DPP6: variants seen among roughly 807,000 people sequenced by gnomAD.
DPP6 encodes the protein dipeptidyl peptidase like 6, also known as A-type potassium channel modulatory protein DPP6.
Under a neutral mutation model 122.6 loss-of-function variants are expected in DPP6, and 69 were observed. That is an observed-to-expected ratio of 0.56 (90% CI 0.46 to 0.69). The LOEUF (loss-of-function observed/expected upper bound fraction) is 0.69, where lower values mean the gene tolerates loss of function less well. DPP6 is among the 30% of genes least tolerant of loss of function. The probability of loss-of-function intolerance (pLI) is 0.00; values close to 1 mark genes in which losing one functional copy is unlikely to be tolerated. For missense variants in DPP6, 928 were observed against 1,116.9 expected (o/e 0.83, Z 2.41); for synonymous variants, 418 against 433.1 (o/e 0.97, Z 0.43).
intron 16 of DPP6, among the ~76,000 whole-genome samples, chr7:154,813,334 C>G (rs10257618): frequency 6.6e-6 from 1 of 152,066 alleles, no homozygotes; most frequent in African/African-American, 2.4e-5. Flanking sequence ...CTGCCCACCT[C>G]GGCCTCCCAA....
At chr7:154,045,813 G>A (rs1379891219) in intron 1 of DPP6, among the ~76,000 whole-genome samples, 1 of 152,180 alleles carries the variant, frequency 6.6e-6, no homozygotes, top group Admixed American at 6.5e-5. Context: ...GAGGAGTACT[G>A]ATGATCATCT....
At position 154,411,249 on chromosome 7, in the gene DPP6, T is replaced by G. The variant is rs1816572722; in HGVS notation, c.244-34965T>G. 2.6e-5 allele frequency among the ~76,000 whole-genome samples: 4 copies of G among 152,160 alleles called. No individual in the cohort carries two copies. The South Asian group carries it at 8.3e-4, about 31-fold the overall frequency. Reference sequence around the variant, plus strand: ...CCTCTTCAATTGTTAAAAATTATAGTCAATTTTCTAAATTTCAAGACAGGA... The same window carrying G: ...CCTCTTCAATTGTTAAAAATTATAGGCAATTTTCTAAATTTCAAGACAGGA... On this transcript the variant is annotated intron_variant, in intron 1 of 25. Coordinates refer to ENST00000377770, the MANE Select transcript of DPP6 (RefSeq NM_130797.4).
chr7:154,176,553 A>G (rs1399143084), intron 1 of DPP6, among the ~76,000 whole-genome samples: 1 of 152,260 alleles, frequency 6.6e-6, no homozygotes, highest in Non-Finnish European at 1.5e-5. Context: ...GTGTGTTTTC[A>G]CTATATGTGT....
intron 1 of DPP6, among the ~76,000 whole-genome samples, chr7:154,240,130 A>G (rs558482244): frequency 4.4e-4 from 67 of 151,724 alleles, no homozygotes; most frequent in Non-Finnish European, 7.1e-4. Context: ...TGAATTTTGT[A>G]AAATTGTTCA....
intron 12 of DPP6, among the ~76,000 whole-genome samples, chr7:154,800,476 A>G (rs1198782955): frequency 1.3e-5 from 2 of 152,250 alleles, no homozygotes; most frequent in African/African-American, 2.4e-5. Context: ...AGAGAGGCCA[A>G]GGTACCGCGG....
At chr7:154,852,121 C>A (rs1802439020) in intron 16 of DPP6, among the ~76,000 whole-genome samples, 2 of 152,210 alleles carry the variant, frequency 1.3e-5, no homozygotes, top group African/African-American at 2.4e-5. Context: ...GGGGCCTCTG[C>A]AGTGAGGCCC....
At chr7:154,497,977 T>C (rs1387202454) in intron 3 of DPP6, among the ~76,000 whole-genome samples, 1 of 152,104 alleles carries the variant, frequency 6.6e-6, no homozygotes, top group Non-Finnish European at 1.5e-5. Context: ...GGAGGACGCG[T>C]TGTGTCTCTA....
At chr7:153,896,994 A>AT (rs147338727) in intron 1 of DPP6, among the ~76,000 whole-genome samples, 1 of 151,902 alleles carries the variant, frequency 6.6e-6, no homozygotes, top group Non-Finnish European at 1.5e-5. Flanking sequence ...TTGTGCATCT[A>AT]TTTTTTTAAG....
In DPP6 at chr7:154,603,268, G is replaced by C. The variant is rs922838756; in HGVS notation, c.628-34553G>C. 2.5e-5 allele frequency among the ~76,000 whole-genome samples: 3 copies of C among 119,728 alleles called. 1 individual carries two copies. Among genetic ancestry groups the C allele is most frequent in the Non-Finnish European group, 5.6e-5 (3 of 53,350 alleles). 78.5% of individuals were successfully genotyped at this position (119,728 alleles called of 152,430 possible). On this transcript the variant is annotated intron_variant, in intron 5 of 25. Coordinates refer to ENST00000377770, the MANE Select transcript of DPP6 (RefSeq NM_130797.4). ...TTGTGAACTTTGCACATCTGTTTTT[G>C]GTAGTCTTCCATTCAGCCATGATTT...
chr7:154,607,281 C>T (rs745732883), intron 5 of DPP6, among the ~76,000 whole-genome samples: 2 of 118,750 alleles, frequency 1.7e-5, no homozygotes, highest in African/African-American at 5.4e-5. Flanking sequence ...AAAGTTGAGC[C>T]GGGCGCGGTG....
At chr7:154,761,655 G>A (rs921104104) in intron 8 of DPP6, among the ~76,000 whole-genome samples, 1 of 152,194 alleles carries the variant, frequency 6.6e-6, no homozygotes, top group Non-Finnish European at 1.5e-5. Context: ...GTGGGAGCAG[G>A]AGTGAGAGGG....
chr7:154,546,212 A>G (rs897196473), intron 4 of DPP6, among the ~76,000 whole-genome samples: 16 of 152,252 alleles, frequency 1.1e-4, no homozygotes, highest in Admixed American at 7.8e-4. Flanking sequence ...GATACAATAT[A>G]CTAGGCTAAC....
chr7:153,774,306 G>T, the DPP6 span, among the ~76,000 whole-genome samples: 1 of 152,094 alleles, frequency 6.6e-6, no homozygotes, highest in South Asian at 2.1e-4. Context: ...TTCACCGGAA[G>T]GTACAATACA....
chr7:154,563,017 A>G (rs1027255165), intron 4 of DPP6, among the ~76,000 whole-genome samples: 5 of 152,224 alleles, frequency 3.3e-5, no homozygotes, highest in Non-Finnish European at 5.9e-5. Context: ...GTTAAAAAAT[A>G]TAAAATATGT....
intron 2 of DPP6, among the ~76,000 whole-genome samples, 194 bp from the exon 3 acceptor site, chr7:154,474,745 A>C (rs1239039902): frequency 6.6e-6 from 1 of 152,208 alleles, no homozygotes; most frequent in African/African-American, 2.4e-5. Context: ...CTACTGAATC[A>C]TGATTTCCTT....
chr7:154,410,047 G>A (rs527919255), intron 1 of DPP6, among the ~76,000 whole-genome samples: 1 of 152,234 alleles, frequency 6.6e-6, no homozygotes, highest in Non-Finnish European at 1.5e-5. Flanking sequence ...AAAGAAGGAA[G>A]ATATATTACA....
chr7:154,093,617 A>C (rs1429358092), intron 1 of DPP6: 2 of 141,464 alleles, frequency 1.4e-5, no homozygotes, highest in Non-Finnish European at 3.0e-5. Context: ...CACCATACAC[A>C]CACACACACA....
In DPP6 at chr7:154,020,698, T is replaced by G. The variant is rs192794220; in HGVS notation, c.51+132964T>G. Among the ~76,000 whole-genome samples, 484 of 152,284 alleles carry G rather than the reference T, an allele frequency of 3.2e-3. 3 individuals are homozygous for G. The highest frequency in any genetic ancestry group is 9.4e-3 in the Admixed American group (144 of 15,290). On this transcript the variant is annotated intron_variant, in intron 1 of 25. Transcript: ENST00000404039. ...CCTCAGTGAGCTCAAATTCTCACTGTGGAGATGACCTCCAGCCCCAAAACA... is the reference window on the plus strand; with the variant it reads ...CCTCAGTGAGCTCAAATTCTCACTGGGGAGATGACCTCCAGCCCCAAAACA...
chr7:154,078,144 C>T (rs1803704709), intron 1 of DPP6, among the ~76,000 whole-genome samples: 1 of 152,020 alleles, frequency 6.6e-6, no homozygotes, highest in Admixed American at 6.6e-5. Flanking sequence ...TATATCATCT[C>T]TTTCATGTTT....
Sources: allele counts gnomAD v4.1 joint callset (sites outside exome capture counted in the v4.1 genomes callset), GRCh38; gene constraint gnomAD v4.1.1; transcripts MANE v1.5; gene names NCBI Gene and HGNC (gene_info 2026-07-23, HGNC 2026-07-21).